THSD4: variants seen among roughly 807,000 people sequenced by gnomAD.
The protein encoded by THSD4 is thrombospondin type 1 domain containing 4, also known as thrombospondin type-1 domain-containing protein 4.
THSD4 carries 69 observed loss-of-function variants against 119.0 expected under a neutral mutation model. The observed-to-expected ratio is 0.58, with a 90% CI of 0.48 to 0.71. The LOEUF (loss-of-function observed/expected upper bound fraction) is 0.71, where lower values mean the gene tolerates loss of function less well. THSD4 is among the 30% of genes least tolerant of loss of function. The pLI is 0.00. For missense variants in THSD4, 1,393 were observed against 1,391.1 expected, an observed-to-expected ratio of 1.00 and a Z score of -0.02; for synonymous variants, 524 against 540.4, an observed-to-expected ratio of 0.97 and a Z score of 0.42.
intron 7 of THSD4, among the ~76,000 whole-genome samples, chr15:71,431,067 G>A (rs978487185): frequency 5.9e-5 from 9 of 152,134 alleles, no homozygotes; most frequent in African/African-American, 1.9e-4. Context: ...CATTTTGGAG[G>A]GATAAGGTAG....
At chr15:71,367,514 A>G (rs1056258425) in intron 6 of THSD4, among the ~76,000 whole-genome samples, 1 of 152,144 alleles carries the variant, frequency 6.6e-6, no homozygotes, top group Non-Finnish European at 1.5e-5. Flanking sequence ...ATTCCCACCT[A>G]TGAGTGAGAA....
intron 7 of THSD4, among the ~76,000 whole-genome samples, chr15:71,503,503 C>T (rs572577742): frequency 5.9e-5 from 9 of 152,298 alleles, no homozygotes; most frequent in African/African-American, 2.2e-4. Flanking sequence ...TTGGGATTCC[C>T]AGCCCACCCT....
intron 7 of THSD4, among the ~76,000 whole-genome samples, chr15:71,592,376 C>T (rs1198618192): frequency 4.6e-5 from 7 of 152,158 alleles, no homozygotes; most frequent in African/African-American, 2.4e-5. Context: ...GCCATCTGAG[C>T]GTGTGCACAG....
At chr15:71,476,187 T>G (rs1198973336) in intron 7 of THSD4, among the ~76,000 whole-genome samples, 1 of 152,216 alleles carries the variant, frequency 6.6e-6, no homozygotes, top group Non-Finnish European at 1.5e-5. Flanking sequence ...GGATAATTGT[T>G]TGCCCCATCT....
intron 6 of THSD4, among the ~76,000 whole-genome samples, chr15:71,288,323 C>G (rs2044745847): frequency 6.6e-6 from 1 of 152,166 alleles, no homozygotes; most frequent in South Asian, 2.1e-4. Context: ...GAATTCATAC[C>G]TATTTGATTT....
intron 4 of THSD4, among the ~76,000 whole-genome samples, chr15:71,230,407 A>C (rs1266610701): frequency 6.6e-6 from 1 of 152,220 alleles, no homozygotes; most frequent in African/African-American, 2.4e-5. Context: ...CAGTTCGCAC[A>C]TATCACATTG....
intron 8 of THSD4, among the ~76,000 whole-genome samples, chr15:71,720,475 A>G (rs2052701146): frequency 6.6e-6 from 1 of 152,228 alleles, no homozygotes; most frequent in South Asian, 2.1e-4. Context: ...AAGTCCCATG[A>G]ATATCTATAT....
chr15:71,298,661 C>T (rs4777362), intron 6 of THSD4, among the ~76,000 whole-genome samples: 77,526 of 144,006 alleles, frequency 0.54, 21,200 homozygotes, highest in East Asian at 0.72. Context: ...TGCTCAGGCT[C>T]GAGTGCAGTG....
At chr15:71,561,218 C>T (rs536616039) in intron 7 of THSD4, among the ~76,000 whole-genome samples, 2 of 152,070 alleles carry the variant, frequency 1.3e-5, no homozygotes, top group Non-Finnish European at 1.5e-5. Context: ...TCGTGATCCA[C>T]CTGCCTCAGC....
At chr15:71,638,106 C>T (rs775203315) in intron 7 of THSD4, among the ~76,000 whole-genome samples, 8 of 152,128 alleles carry the variant, frequency 5.3e-5, no homozygotes, top group East Asian at 3.8e-4. Flanking sequence ...TATTTTACCA[C>T]GTTTTTGTTT....
chr15:71,740,784 C>T (rs1031508138), intron 11 of THSD4, among the ~76,000 whole-genome samples: 30 of 152,188 alleles, frequency 2.0e-4, no homozygotes, highest in African/African-American at 5.6e-4. Flanking sequence ...CCCTCCTTTA[C>T]GACACTCTGG....
intron 3 of THSD4, among the ~76,000 whole-genome samples, chr15:71,155,153 G>C (rs999584175): frequency 6.6e-6 from 1 of 152,304 alleles, no homozygotes; most frequent in Middle Eastern, 3.4e-3. Flanking sequence ...CCACAGTTCT[G>C]CAGGCTGTAC....
At chr15:71,633,621 A>G (rs1595810179) in intron 7 of THSD4, among the ~76,000 whole-genome samples, 1 of 152,204 alleles carries the variant, frequency 6.6e-6, no homozygotes, top group African/African-American at 2.4e-5. Context: ...TCCTTGAAAC[A>G]TACAGCTCAA....
intron 6 of THSD4, among the ~76,000 whole-genome samples, chr15:71,287,434 T>C (rs755865172): frequency 1.2e-4 from 19 of 152,214 alleles, no homozygotes; most frequent in Non-Finnish European, 2.4e-4. Flanking sequence ...TAATAAGCAT[T>C]ATGGAATAAT....
intron 7 of THSD4, among the ~76,000 whole-genome samples, chr15:71,605,252 G>A (rs952688811): frequency 1.3e-5 from 2 of 152,212 alleles, no homozygotes; most frequent in African/African-American, 4.8e-5. Context: ...TATATATTTT[G>A]TTTGCCTGGG....
intron 6 of THSD4, among the ~76,000 whole-genome samples, chr15:71,321,021 A>G (rs1355311839): frequency 6.6e-6 from 1 of 152,238 alleles, no homozygotes; most frequent in African/African-American, 2.4e-5. Context: ...ACGTTAAAAC[A>G]TTTAAACAGA....
intron 7 of THSD4, among the ~76,000 whole-genome samples, chr15:71,531,403 C>T (rs1017514343): frequency 2.0e-5 from 3 of 152,142 alleles, no homozygotes. Flanking sequence ...TGAAAAAAAT[C>T]CCGGGAGGTG....
intron 7 of THSD4, among the ~76,000 whole-genome samples, chr15:71,629,054 C>T (rs973698826): frequency 3.9e-5 from 6 of 152,176 alleles, no homozygotes; most frequent in Non-Finnish European, 5.9e-5. Flanking sequence ...GGTTTGGTTA[C>T]GTTTGTAACT....
intron 8 of THSD4, among the ~76,000 whole-genome samples, chr15:71,668,341 G>A (rs968489256): frequency 3.9e-5 from 6 of 152,174 alleles, no homozygotes; most frequent in Non-Finnish European, 7.3e-5. Context: ...GCAGATGGGA[G>A]GATGTTCACT....
Sources: allele counts gnomAD v4.1 joint callset (sites outside exome capture counted in the v4.1 genomes callset), GRCh38; gene constraint gnomAD v4.1.1; transcripts MANE v1.5; gene names NCBI Gene and HGNC (gene_info 2026-07-23, HGNC 2026-07-21).